The following OR3A2 variants were observed in gnomAD, a reference collection of about 807,000 sequenced individuals.
The protein encoded by OR3A2 is olfactory receptor family 3 subfamily A member 2, also known as olfactory receptor 3A2.
For synonymous variants in OR3A2, 126 were observed against 159.3 expected (o/e 0.79, Z 1.57); for missense variants, 318 against 392.8 (o/e 0.81, Z 1.61).
At chr17:3,321,410 C>T (rs1288858479) in intron 3 of OR3A2, among the ~76,000 whole-genome samples, 1 of 151,972 alleles carries the variant, frequency 6.6e-6, no homozygotes, top group East Asian at 1.9e-4. Flanking sequence ...GAACTTCCAA[C>T]ACTATGTTGA....
intron 3 of OR3A2, among the ~76,000 whole-genome samples, chr17:3,334,704 G>T (rs1245956284): frequency 1.3e-5 from 2 of 152,150 alleles, no homozygotes; most frequent in African/African-American, 2.4e-5. Context: ...GATTTCAGAA[G>T]AATTGACAGC....
chr17:3,348,874 A>G lies in OR3A2; in HGVS notation c.-178-12748T>C, dbSNP rs550288694. On this transcript the variant is annotated intron_variant, in intron 2 of 4. Transcript: ENST00000573491. ...CAGCCAGAAGAGAGTGGGGGCCAAT[A>G]TTCAACATTCTTAAGGAAAAGAATT... 3.2e-4 allele frequency among the ~76,000 whole-genome samples: 48 copies of G among 152,264 alleles called. No individual in the cohort carries two copies. In the East Asian group the frequency reaches 7.7e-3, roughly 24 times the overall value.
intron 2 of OR3A2, among the ~76,000 whole-genome samples, chr17:3,362,256 G>A (rs1017356120): frequency 6.6e-6 from 1 of 151,588 alleles, no homozygotes; most frequent in Non-Finnish European, 1.5e-5. Context: ...TGGGATTGGT[G>A]GTGATATCCC....
chr17:3,331,776 AG>A (rs1325523242), intron 3 of OR3A2, among the ~76,000 whole-genome samples: 1 of 151,920 alleles, frequency 6.6e-6, no homozygotes, highest in African/African-American at 2.4e-5. Flanking sequence ...ATTCCTTTGG[AG>A]GAGGAGAGGC....
At chr17:3,330,294 CT>C (rs2049219049) in intron 3 of OR3A2, among the ~76,000 whole-genome samples, 1 of 150,478 alleles carries the variant, frequency 6.6e-6, no homozygotes, top group African/African-American at 2.5e-5. Context: ...GTTGATCTGT[CT>C]AATGTTGACA....
chr17:3,378,283 A>G (rs1439431301), intron 2 of OR3A2, among the ~76,000 whole-genome samples: 2 of 152,188 alleles, frequency 1.3e-5, no homozygotes, highest in Admixed American at 6.5e-5. Flanking sequence ...TTTGGTGTCC[A>G]AAGTCTGGAG....
upstream of OR3A2, among the ~76,000 whole-genome samples, chr17:3,286,643 T>C (rs1003088740): frequency 8.5e-5 from 13 of 152,154 alleles, no homozygotes; most frequent in African/African-American, 2.9e-4. Flanking sequence ...TGGTATCTCA[T>C]TGTGGTTTTG....
At chr17:3,340,687 T>C (rs1431340560) in intron 2 of OR3A2, among the ~76,000 whole-genome samples, 1 of 152,222 alleles carries the variant, frequency 6.6e-6, no homozygotes, top group African/African-American at 2.4e-5. Flanking sequence ...CTTCCAACTA[T>C]GTGGTCAATT....
In OR3A2 at chr17:3,283,444, C is replaced by T. The variant is rs553768815; in HGVS notation, c.-7+914G>A. On this transcript the variant is annotated intron_variant, in intron 1 of 1. Coordinates refer to ENST00000642052, the Ensembl canonical transcript of OR3A2. The stretch of plus-strand genomic sequence containing the variant: ...TTCTCCATGTTGATCAGGCTGGTCT[C>T]GAACTCCTGACCTCAGGTGATCCGC... Among the ~76,000 whole-genome samples the T allele has an allele frequency of 4.1e-4, 63 of 152,210 alleles. 1 individual carries two copies. Among genetic ancestry groups the T allele is most frequent in the Admixed American group, 4.0e-3 (61 of 15,282 alleles).
chr17:3,326,920 A>G (rs1431347779), intron 3 of OR3A2, among the ~76,000 whole-genome samples: 1 of 115,842 alleles, frequency 8.6e-6, no homozygotes, highest in Non-Finnish European at 1.7e-5. Flanking sequence ...TCCATGGTGT[A>G]TATGTGCCAC....
chr17:3,315,181 A>T (rs2049071588), intron 3 of OR3A2, among the ~76,000 whole-genome samples: 1 of 152,086 alleles, frequency 6.6e-6, no homozygotes, highest in Non-Finnish European at 1.5e-5. Flanking sequence ...AGAATGATTT[A>T]CTCTCCTTTG....
intron 3 of OR3A2, among the ~76,000 whole-genome samples, chr17:3,326,285 T>C (rs2049171016): frequency 6.6e-6 from 1 of 152,130 alleles, no homozygotes; most frequent in Non-Finnish European, 1.5e-5. Flanking sequence ...GAATGATTTC[T>C]ATTCATTTGG....
chr17:3,376,754 G>A (rs1212406088), intron 2 of OR3A2, among the ~76,000 whole-genome samples: 2 of 151,532 alleles, frequency 1.3e-5, no homozygotes, highest in African/African-American at 2.4e-5. Flanking sequence ...CTCCCTGCCT[G>A]CCTTATTACA....
intron 2 of OR3A2, among the ~76,000 whole-genome samples, chr17:3,348,803 G>A (rs939416395): frequency 6.6e-6 from 1 of 152,176 alleles, no homozygotes; most frequent in Non-Finnish European, 1.5e-5. Context: ...TACCCACAAA[G>A]GGAAGCCCAT....
intron 2 of OR3A2, among the ~76,000 whole-genome samples, chr17:3,377,883 T>G (rs990873331): frequency 6.6e-6 from 1 of 152,258 alleles, no homozygotes; most frequent in Admixed American, 6.5e-5. Context: ...AAACTATTTA[T>G]CAGTTTCTAA....
chr17:3,345,420 A>C (rs112247498), intron 2 of OR3A2, among the ~76,000 whole-genome samples: 1 of 117,258 alleles, frequency 8.5e-6, no homozygotes, highest in East Asian at 5.9e-4. Flanking sequence ...AAAAAAAGGA[A>C]AGAGAGAGAG....
At chr17:3,370,843 G>A (rs1012325461) in intron 2 of OR3A2, among the ~76,000 whole-genome samples, 39 of 151,814 alleles carry the variant, frequency 2.6e-4, no homozygotes, top group African/African-American at 9.2e-4. Context: ...CGAGCATGCT[G>A]CCTTCAAGCA....
At chr17:3,386,095 C>T (rs1410217614) in intron 1 of OR3A2, 30 bp downstream of exon 1, 1 of 398,752 alleles carries the variant, frequency 2.5e-6, no homozygotes, top group Non-Finnish European at 4.4e-6. Context: ...CGGGGCCCTC[C>T]GCTCCCCCAT....
chr17:3,354,060 G>GT (rs1279733019), intron 2 of OR3A2, among the ~76,000 whole-genome samples: 2 of 151,638 alleles, frequency 1.3e-5, no homozygotes, highest in African/African-American at 4.8e-5. Context: ...TTTTTTAAAT[G>GT]TATTGTTAAA....
Sources: allele counts gnomAD v4.1 joint callset (sites outside exome capture counted in the v4.1 genomes callset), GRCh38; gene constraint gnomAD v4.1.1; transcripts MANE v1.5; gene names NCBI Gene and HGNC (gene_info 2026-07-23, HGNC 2026-07-21).